Variants in CA10 observed in about 807,000 individuals in gnomAD.
CA10 encodes carbonic anhydrase 10 (inactive), also known as carbonic anhydrase-related protein 10.
Under a neutral mutation model 44.2 loss-of-function variants are expected in CA10, and 14 were observed. The observed-to-expected ratio is 0.32, with a 90% CI of 0.21 to 0.50. The LOEUF (loss-of-function observed/expected upper bound fraction) is 0.50. CA10 is among the 20% of genes least tolerant of loss of function. The pLI is 0.99. For synonymous variants in CA10, 159 were observed against 141.6 expected, an observed-to-expected ratio of 1.12 and a Z score of -0.87; for missense variants, 350 against 409.7, an observed-to-expected ratio of 0.85 and a Z score of 1.26.
chr17:52,101,536 T>C (rs1383741087), intron 1 of CA10, among the ~76,000 whole-genome samples: 1 of 152,218 alleles, frequency 6.6e-6, no homozygotes, highest in Non-Finnish European at 1.5e-5. Flanking sequence ...TAGATCCTCA[T>C]ACCTTATTTA....
chr17:51,791,242 C>T (rs1320417891), intron 3 of CA10, among the ~76,000 whole-genome samples: 1 of 152,178 alleles, frequency 6.6e-6, no homozygotes, highest in Non-Finnish European at 1.5e-5. Flanking sequence ...TTTCATGACT[C>T]ATCTATTGTA....
At chr17:51,844,755 T>C (rs1284502410) in intron 3 of CA10, among the ~76,000 whole-genome samples, 1 of 152,196 alleles carries the variant, frequency 6.6e-6, no homozygotes, top group East Asian at 1.9e-4. Flanking sequence ...TTCTTGAGTG[T>C]GGCCTGGACT....
At chr17:51,772,631 G>T (rs540614816) in intron 3 of CA10, among the ~76,000 whole-genome samples, 20 of 151,470 alleles carry the variant, frequency 1.3e-4, no homozygotes, top group African/African-American at 4.4e-4. Context: ...ATTGCCATGG[G>T]AACAGAGAAG....
At chr17:51,910,656 C>T (rs1443892369) in intron 3 of CA10, among the ~76,000 whole-genome samples, 4 of 152,058 alleles carry the variant, frequency 2.6e-5, no homozygotes, top group South Asian at 2.1e-4. Context: ...AAATGGACAA[C>T]GTAGTTACGC....
intron 3 of CA10, among the ~76,000 whole-genome samples, chr17:51,876,755 G>C (rs192352244): frequency 6.6e-6 from 1 of 151,530 alleles, no homozygotes; most frequent in Non-Finnish European, 1.5e-5. Context: ...GCAAGATCCT[G>C]GTCCATATGG....
At chr17:51,971,863 T>A (rs1984292107) in intron 2 of CA10, among the ~76,000 whole-genome samples, 2 of 151,932 alleles carry the variant, frequency 1.3e-5, no homozygotes, top group Admixed American at 6.6e-5. Context: ...TTCTTAGAAA[T>A]TATAAAAGTT....
At chr17:52,101,845 T>C (rs148291457) in intron 1 of CA10, among the ~76,000 whole-genome samples, 24 of 152,338 alleles carry the variant, frequency 1.6e-4, no homozygotes, top group African/African-American at 4.1e-4. Flanking sequence ...AGGGTTTAAA[T>C]AGAAATATTC....
intron 3 of CA10, among the ~76,000 whole-genome samples, chr17:51,837,896 T>C (rs1598073141): frequency 1.3e-5 from 2 of 152,172 alleles, no homozygotes; most frequent in South Asian, 4.1e-4. Flanking sequence ...CAAGTTAACA[T>C]TTCTCCTGGT....
intron 2 of CA10, among the ~76,000 whole-genome samples, chr17:52,059,932 G>A (rs935137386): frequency 2.0e-5 from 3 of 152,120 alleles, no homozygotes; most frequent in African/African-American, 7.2e-5. Context: ...AGTCCAATTC[G>A]AGAAATACTA....
chr17:52,092,590 T>G (rs1003624162), intron 1 of CA10, among the ~76,000 whole-genome samples: 9 of 152,164 alleles, frequency 5.9e-5, no homozygotes, highest in Non-Finnish European at 1.2e-4. Context: ...AGATGCAAAC[T>G]GACCTAACCC....
chr17:52,106,725 A>T (rs528944313), intron 1 of CA10, among the ~76,000 whole-genome samples: 1 of 152,312 alleles, frequency 6.6e-6, no homozygotes, highest in African/African-American at 2.4e-5. Context: ...GCAGATATTG[A>T]TTACAGGGTT....
intron 2 of CA10, among the ~76,000 whole-genome samples, chr17:52,059,718 G>T (rs866129689): frequency 6.6e-6 from 1 of 151,990 alleles, no homozygotes; most frequent in Admixed American, 6.6e-5. Flanking sequence ...CTCAATGGCT[G>T]AAATATGACC....
intron 3 of CA10, among the ~76,000 whole-genome samples, chr17:51,770,073 T>C (rs1404148370): frequency 6.6e-6 from 1 of 152,020 alleles, no homozygotes; most frequent in South Asian, 2.1e-4. Flanking sequence ...TATATCTCTG[T>C]TGCTCTTTTA....
At chr17:52,065,340 C>T (rs1465816843) in intron 2 of CA10, among the ~76,000 whole-genome samples, 1 of 152,222 alleles carries the variant, frequency 6.6e-6, no homozygotes, top group African/African-American at 2.4e-5. Flanking sequence ...TATTTTATAA[C>T]TCAATTTAAG....
intron 6 of CA10, among the ~76,000 whole-genome samples, chr17:51,645,411 T>A (rs1376688989): frequency 3.3e-5 from 5 of 152,230 alleles, no homozygotes; most frequent in Non-Finnish European, 1.5e-5. Context: ...ATGTCAGTAA[T>A]GGCAATGTCA....
At chr17:51,925,275 ATCT>A (rs1982381027) in intron 3 of CA10, among the ~76,000 whole-genome samples, 1 of 152,136 alleles carries the variant, frequency 6.6e-6, no homozygotes, top group South Asian at 2.1e-4. Flanking sequence ...AGGTTTCAAG[ATCT>A]TCTACCCTCT....
intron 3 of CA10, among the ~76,000 whole-genome samples, chr17:51,797,372 ACG>A (rs1906753742): frequency 6.6e-6 from 1 of 152,116 alleles, no homozygotes; most frequent in Non-Finnish European, 1.5e-5. Context: ...GCACGCACAC[ACG>A]CACACCCCGC....
At chr17:51,690,989 T>A (rs889379054) in intron 4 of CA10, among the ~76,000 whole-genome samples, 1 of 152,192 alleles carries the variant, frequency 6.6e-6, no homozygotes, top group African/African-American at 2.4e-5. Context: ...TGATGGACAC[T>A]TAGGTTAATT....
At chr17:51,894,487 A>T (rs545038554) in intron 3 of CA10, among the ~76,000 whole-genome samples, 1 of 152,248 alleles carries the variant, frequency 6.6e-6, no homozygotes, top group East Asian at 1.9e-4. Context: ...CCAGTGCCCC[A>T]ATCCCTGAAA....
Sources: allele counts gnomAD v4.1 joint callset (sites outside exome capture counted in the v4.1 genomes callset), GRCh38; gene constraint gnomAD v4.1.1; transcripts MANE v1.5; gene names NCBI Gene and HGNC (gene_info 2026-07-23, HGNC 2026-07-21).